The following MYRIP variants were observed in gnomAD, a reference collection of about 807,000 sequenced individuals.
The protein encoded by MYRIP is rab effector MyRIP.
A neutral mutation model predicts 98.0 loss-of-function variants in MYRIP; 49 were observed. The ratio of observed to expected loss-of-function variants is 0.50; its 90% CI spans 0.40 to 0.63. The LOEUF (loss-of-function observed/expected upper bound fraction) is 0.63, where lower values mean the gene tolerates loss of function less well. MYRIP is among the 30% of genes least tolerant of loss of function. MYRIP has a pLI of 0.00. For synonymous variants in MYRIP, 404 were observed against 409.5 expected (o/e 0.99, Z 0.16); for missense variants, 1,004 against 1,058.2 (o/e 0.95, Z 0.71).
intron 1 of MYRIP, among the ~76,000 whole-genome samples, chr3:39,816,210 T>C (rs574669262): frequency 1.3e-5 from 2 of 152,134 alleles, no homozygotes; most frequent in East Asian, 3.9e-4. Flanking sequence ...GCCTCCTGAG[T>C]AGCTGGGACT....
At chr3:39,996,359 CA>C (rs903707898) in intron 2 of MYRIP, among the ~76,000 whole-genome samples, 28 of 151,500 alleles carry the variant, frequency 1.8e-4, no homozygotes, top group Non-Finnish European at 3.5e-4. Context: ...AAATGGAAAA[CA>C]AAAAAAGGCA....
At chr3:39,822,829 C>A (rs1460862255) in intron 1 of MYRIP, among the ~76,000 whole-genome samples, 4 of 151,052 alleles carry the variant, frequency 2.6e-5, no homozygotes, top group African/African-American at 9.7e-5. Flanking sequence ...TGATGTCCTC[C>A]AGTTCCATTC....
At chr3:40,018,765 T>C (rs1946925502) in intron 2 of MYRIP, among the ~76,000 whole-genome samples, 1 of 152,136 alleles carries the variant, frequency 6.6e-6, no homozygotes, top group African/African-American at 2.4e-5. Context: ...GTTACTTCCA[T>C]AGGCAATGCT....
intron 3 of MYRIP, among the ~76,000 whole-genome samples, chr3:40,084,706 TA>T (rs1559394022): frequency 2.3e-5 from 2 of 87,610 alleles, no homozygotes; most frequent in African/African-American, 3.3e-5. Flanking sequence ...TATCGATAGA[TA>T]ATATGTATCT....
At chr3:40,129,074 A>AG (rs1370189348) in intron 3 of MYRIP, among the ~76,000 whole-genome samples, 1 of 152,026 alleles carries the variant, frequency 6.6e-6, no homozygotes, top group East Asian at 1.9e-4. Context: ...AAAAATGACA[A>AG]GGGGGGAAAC....
At chr3:40,033,430 A>G (rs1947305137) in intron 2 of MYRIP, among the ~76,000 whole-genome samples, 1 of 152,092 alleles carries the variant, frequency 6.6e-6, no homozygotes, top group African/African-American at 2.4e-5. Context: ...CCAATAACAG[A>G]CAAACAGAGA....
intron 2 of MYRIP, among the ~76,000 whole-genome samples, chr3:39,993,071 A>G (rs1376512372): frequency 6.6e-6 from 1 of 152,176 alleles, no homozygotes; most frequent in Non-Finnish European, 1.5e-5. Flanking sequence ...TTATTGGCTC[A>G]TGATTCTGGA....
At chr3:40,240,884 A>C (rs1021460760) in intron 12 of MYRIP, among the ~76,000 whole-genome samples, 2 of 152,268 alleles carry the variant, frequency 1.3e-5, no homozygotes, top group East Asian at 3.9e-4. Flanking sequence ...AGGTGTGGGC[A>C]AGGTTAAGGG....
intron 2 of MYRIP, among the ~76,000 whole-genome samples, chr3:40,022,209 AC>A (rs1947014818): frequency 6.6e-6 from 1 of 152,210 alleles, no homozygotes; most frequent in African/African-American, 2.4e-5. Flanking sequence ...ATCCTCCTGT[AC>A]TAGGGACGAA....
intron 12 of MYRIP, among the ~76,000 whole-genome samples, chr3:40,240,698 G>A (rs1242405818): frequency 6.6e-6 from 1 of 152,196 alleles, no homozygotes; most frequent in African/African-American, 2.4e-5. Flanking sequence ...CTCCCCTAAA[G>A]GCAGAAACAA....
At chr3:39,811,149 CCT>C (rs1017144717) in intron 1 of MYRIP, among the ~76,000 whole-genome samples, 1 of 152,110 alleles carries the variant, frequency 6.6e-6, no homozygotes, top group African/African-American at 2.4e-5. Context: ...CGTCACCTAG[CCT>C]CTCTTGCCAT....
At chr3:40,099,075 A>G (rs1948889209) in intron 3 of MYRIP, among the ~76,000 whole-genome samples, 1 of 152,200 alleles carries the variant, frequency 6.6e-6, no homozygotes, top group Non-Finnish European at 1.5e-5. Context: ...TTGGAAGTGC[A>G]CTGGACAATT....
At chr3:40,071,397 T>C (rs747737178) in intron 3 of MYRIP, among the ~76,000 whole-genome samples, 1 of 152,200 alleles carries the variant, frequency 6.6e-6, no homozygotes, top group Non-Finnish European at 1.5e-5. Context: ...CAGTCTATCC[T>C]GATGGCTCTT....
intron 3 of MYRIP, chr3:40,071,012 A>G (rs1447264795): frequency 7.8e-6 from 3 of 386,120 alleles, no homozygotes; most frequent in African/African-American, 4.4e-5. Context: ...GACCTCCCAC[A>G]TGGAGTGAGT....
chr3:40,152,034 G>A (rs1009088194), intron 4 of MYRIP, among the ~76,000 whole-genome samples: 1 of 152,174 alleles, frequency 6.6e-6, no homozygotes, highest in African/African-American at 2.4e-5. Context: ...ATAGAATGGA[G>A]GCACTAAACA....
chr3:39,963,263 C>T (rs909979700), intron 2 of MYRIP, among the ~76,000 whole-genome samples: 3 of 152,102 alleles, frequency 2.0e-5, no homozygotes, highest in African/African-American at 7.2e-5. Context: ...AAGTCAGTTG[C>T]TGTTTCTTCT....
At chr3:40,083,451 A>G (rs560059858) in intron 3 of MYRIP, among the ~76,000 whole-genome samples, 1 of 152,058 alleles carries the variant, frequency 6.6e-6, no homozygotes, top group East Asian at 1.9e-4. Context: ...CCTTCTCTTC[A>G]TCTTAATTTC....
intron 3 of MYRIP, among the ~76,000 whole-genome samples, chr3:40,070,928 G>A (rs1169065534): frequency 1.3e-5 from 2 of 152,202 alleles, no homozygotes; most frequent in Admixed American, 6.5e-5. Flanking sequence ...GGCATTCTAT[G>A]TGGTGGATTA....
At chr3:40,166,416 T>G (rs1211405415) in intron 5 of MYRIP, among the ~76,000 whole-genome samples, 1 of 152,136 alleles carries the variant, frequency 6.6e-6, no homozygotes, top group Admixed American at 6.5e-5. Flanking sequence ...TCTGTGAAAA[T>G]GACCTGTGGG....
Sources: gnomAD v4.1 joint callset for allele counts (sites outside exome capture counted in the v4.1 genomes callset) on GRCh38, gnomAD v4.1.1 for gene constraint, MANE v1.5 for transcripts, NCBI Gene and HGNC (gene_info 2026-07-23, HGNC 2026-07-21) for gene names.